Variants in PHKB observed in about 807,000 individuals in gnomAD.
PHKB encodes phosphorylase b kinase regulatory subunit beta.
In PHKB, 122 loss-of-function variants were observed where a neutral mutation model predicts 152.1. That is an observed-to-expected ratio of 0.80 (90% CI 0.69 to 0.93). The LOEUF is 0.93. Among genes scored for constraint, PHKB ranks in the 40% least tolerant of loss-of-function variants. PHKB has a pLI of 0.00. For synonymous variants in PHKB, 436 were observed against 464.9 expected (o/e 0.94, Z 0.80); for missense variants, 1,304 against 1,328.4 (o/e 0.98, Z 0.29).
At chr16:47,631,519 T>G (rs1019646112) in intron 14 of PHKB, among the ~76,000 whole-genome samples, 1 of 152,236 alleles carries the variant, frequency 6.6e-6, no homozygotes, top group African/African-American at 2.4e-5. Flanking sequence ...GGGGTACATG[T>G]GCAGAATATG....
chr16:47,601,383 A>T (rs1271213382), intron 13 of PHKB, among the ~76,000 whole-genome samples: 2 of 152,188 alleles, frequency 1.3e-5, no homozygotes, highest in Non-Finnish European at 2.9e-5. Flanking sequence ...TGTCCTAAAA[A>T]GAGATACTAA....
Position 47,588,999 on chromosome 16 carries a change from GA to G in PHKB, c.969del (p.Lys323AsnfsTer2). ...AGCCAGACACTTGATAAAGTGGTTA[GA>G]AAATTAAAAGGAAAATATGGATTTA... ...LFSQTLDKVV[R>X]KLKGKYGFKR... is the part of the protein sequence containing the mutation. On this transcript the variant is annotated frameshift_variant, in exon 10 of 31. Coordinates refer to ENST00000323584, the MANE Select transcript of PHKB (RefSeq NM_000293.3). LOFTEE classifies it high-confidence loss of function. 1 of 1,613,882 alleles carries G rather than the reference GA, an allele frequency of 6.2e-7. No individual in the cohort carries two copies. The highest frequency in any genetic ancestry group is 1.3e-5 in the African/African-American group (1 of 75,044).
At chr16:47,542,762 A>C (rs1299029973) in intron 6 of PHKB, among the ~76,000 whole-genome samples, 1 of 152,146 alleles carries the variant, frequency 6.6e-6, no homozygotes, top group Non-Finnish European at 1.5e-5. Flanking sequence ...CTTTGTAGAA[A>C]TTGTGAATGG....
At chr16:47,604,620 C>T (rs1972291706) in intron 13 of PHKB, among the ~76,000 whole-genome samples, 1 of 152,080 alleles carries the variant, frequency 6.6e-6, no homozygotes, top group African/African-American at 2.4e-5. Context: ...TTAGTATGTC[C>T]TATGTAATTT....
intron 16 of PHKB, among the ~76,000 whole-genome samples, chr16:47,648,005 G>A (rs775146861): frequency 1.6e-4 from 25 of 152,016 alleles, no homozygotes; most frequent in Non-Finnish European, 2.4e-4. Flanking sequence ...CCCTTTCAGC[G>A]TATACCAGAG....
At position 47,499,679 on chromosome 16, in the gene PHKB, C is replaced by T. The variant is rs376231190; in HGVS notation, c.167-77C>T. ...ATCGTCAGAAGTGGGATGAGGAAAC[C>T]AAAGAAGATTAAAACATTTAGCCCA... On this transcript the variant is annotated intron_variant, in intron 2 of 30. Transcript: ENST00000323584. 3.0e-5 allele frequency: 47 copies of T among 1,559,852 alleles called. No homozygotes were observed. The East Asian group carries it at 9.9e-4, about 33-fold the overall frequency.
chr16:47,666,056 T>G (rs948974977), intron 25 of PHKB: 4 of 1,539,670 alleles, frequency 2.6e-6, no homozygotes, highest in Non-Finnish European at 3.6e-6. Context: ...TTTCAGACAC[T>G]TATTTGGTCC....
chr16:47,663,301 CAT>C (rs1398524793), intron 23 of PHKB, among the ~76,000 whole-genome samples: 1 of 152,108 alleles, frequency 6.6e-6, no homozygotes, highest in East Asian at 1.9e-4. Context: ...AATGAAAACT[CAT>C]ATATATTAGA....
intron 1 of PHKB, among the ~76,000 whole-genome samples, chr16:47,492,459 AGAG>A (rs1970165919): frequency 6.6e-6 from 1 of 152,234 alleles, no homozygotes; most frequent in African/African-American, 2.4e-5. Context: ...AAATGCCTAA[AGAG>A]GAACCTCTTA....
At chr16:47,464,198 A>G (rs1969627229) in intron 1 of PHKB, 4 of 579,864 alleles carry the variant, frequency 6.9e-6, no homozygotes. Context: ...TGTGAAAAGA[A>G]CAGAGAGTGG....
chr16:47,631,673 C>T (rs1972830101), intron 14 of PHKB, among the ~76,000 whole-genome samples: 2 of 152,160 alleles, frequency 1.3e-5, no homozygotes, highest in African/African-American at 2.4e-5. Context: ...GTTCCCCTCT[C>T]TGTGTCCATT....
intron 5 of PHKB, among the ~76,000 whole-genome samples, chr16:47,514,427 T>G (rs1970561307): frequency 6.6e-6 from 1 of 152,206 alleles, no homozygotes; most frequent in Non-Finnish European, 1.5e-5. Flanking sequence ...GAGCCACTGA[T>G]GGAAGCCCTG....
chr16:47,668,489 G>A (rs2142078649), intron 25 of PHKB, among the ~76,000 whole-genome samples: 2 of 152,298 alleles, frequency 1.3e-5, no homozygotes, highest in Admixed American at 1.3e-4. Context: ...AGGGCGGCCT[G>A]CAGAGTCCCC....
At chr16:47,665,743 G>T in intron 25 of PHKB, 1 of 643,024 alleles carries the variant, frequency 1.6e-6, no homozygotes, top group Non-Finnish European at 2.8e-6. Context: ...TGAGGTGGAG[G>T]GATCCCTCCC....
intron 7 of PHKB, among the ~76,000 whole-genome samples, chr16:47,577,840 T>G (rs1188513368): frequency 2.0e-5 from 3 of 152,176 alleles, no homozygotes; most frequent in Admixed American, 1.3e-4. Context: ...ATTTTAAAAT[T>G]TATTCTGTTT....
At chr16:47,604,000 A>G (rs911974740) in intron 13 of PHKB, among the ~76,000 whole-genome samples, 3 of 152,348 alleles carry the variant, frequency 2.0e-5, no homozygotes, top group African/African-American at 7.2e-5. Flanking sequence ...TCAGGAGTCT[A>G]CAGGGTGCTT....
At chr16:47,637,370 A>T (rs1972940209) in intron 14 of PHKB, among the ~76,000 whole-genome samples, 1 of 151,984 alleles carries the variant, frequency 6.6e-6, no homozygotes, top group Non-Finnish European at 1.5e-5. Context: ...CCCACCCAAC[A>T]CCTGGCTCAC....
chr16:47,613,489 T>G (rs537142209), intron 14 of PHKB, among the ~76,000 whole-genome samples: 9 of 152,292 alleles, frequency 5.9e-5, no homozygotes, highest in Admixed American at 2.6e-4. Flanking sequence ...AACCAGATGT[T>G]CACCATAAAC....
intron 26 of PHKB, chr16:47,676,511 A>G (rs1235117903): frequency 6.6e-6 from 1 of 152,188 alleles, no homozygotes; most frequent in Admixed American, 6.5e-5. Flanking sequence ...TCTTAACCAG[A>G]ATTCCCTTGC....
Sources: gnomAD v4.1 joint callset for allele counts (sites outside exome capture counted in the v4.1 genomes callset) on GRCh38, gnomAD v4.1.1 for gene constraint, MANE v1.5 for transcripts, NCBI Gene and HGNC (gene_info 2026-07-23, HGNC 2026-07-21) for gene names.